SLC33A2: variants seen among roughly 807,000 people sequenced by gnomAD.
SLC33A2 encodes solute carrier family 33 member 2.
chr8:144,509,560 G>A, the SLC33A2 span: 1 of 1,520,254 alleles, frequency 6.6e-7, no homozygotes, highest in South Asian at 1.2e-5. Context: ...AGCACGGCGG[G>A]CCTGGGCCTG....
At chr8:144,509,396 C>T in the SLC33A2 span, 3 of 1,526,088 alleles carry the variant, frequency 2.0e-6, no homozygotes, top group Non-Finnish European at 2.6e-6. Flanking sequence ...CCTACGGGCT[C>T]CAGTCCGGCC....
the SLC33A2 span, chr8:144,510,909 T>C: frequency 6.9e-6 from 11 of 1,603,564 alleles, no homozygotes; most frequent in Middle Eastern, 1.6e-4. Context: ...TGCAGGTGAG[T>C]AGATGTAGCA....
chr8:144,510,044 C>A, the SLC33A2 span: 1 of 1,578,958 alleles, frequency 6.3e-7, no homozygotes, highest in Non-Finnish European at 8.5e-7. Flanking sequence ...CAGGCAACAG[C>A]AGTTGGGGCT....
chr8:144,509,373 G>T, the SLC33A2 span: 1 of 1,516,756 alleles, frequency 6.6e-7, no homozygotes, highest in East Asian at 2.5e-5. Context: ...CCTCTACCTG[G>T]TGCAGGGCCT....
At chr8:144,510,607 G>A in the SLC33A2 span, 2 of 1,582,394 alleles carry the variant, frequency 1.3e-6, no homozygotes, top group Non-Finnish European at 1.7e-6. Flanking sequence ...GGAAACTGCT[G>A]CCTCTGTTGA....
At chr8:144,510,922 G>C in the SLC33A2 span, 1 of 1,601,822 alleles carries the variant, frequency 6.2e-7, no homozygotes, top group East Asian at 2.2e-5. Context: ...ATGTAGCAGG[G>C]ACACAAGAGA....
chr8:144,509,557 C>A, the SLC33A2 span: 1 of 1,517,520 alleles, frequency 6.6e-7, no homozygotes, highest in Middle Eastern at 1.9e-4. Flanking sequence ...CGCAGCACGG[C>A]GGGCCTGGGC....
the SLC33A2 span, chr8:144,510,145 G>C: frequency 1.5e-6 from 2 of 1,313,388 alleles, no homozygotes; most frequent in Non-Finnish European, 2.1e-6. Flanking sequence ...ACTTGGCCCT[G>C]ACATCCGGGG....
the SLC33A2 span, chr8:144,509,424 C>T: frequency 6.5e-7 from 1 of 1,531,728 alleles, no homozygotes; most frequent in Non-Finnish European, 8.7e-7. Context: ...AGTGCTGCTG[C>T]GTGCCGGCGG....
At chr8:144,509,377 A>G in the SLC33A2 span, 3 of 1,518,516 alleles carry the variant, frequency 2.0e-6, no homozygotes. Flanking sequence ...TACCTGGTGC[A>G]GGGCCTGCCC....
chr8:144,510,874 T>C, the SLC33A2 span: 1 of 1,608,270 alleles, frequency 6.2e-7, no homozygotes. Flanking sequence ...GATGATGCGC[T>C]GCAGCCAGCT....
At chr8:144,510,758 A>G in the SLC33A2 span, 1 of 1,608,244 alleles carries the variant, frequency 6.2e-7, no homozygotes, top group Non-Finnish European at 8.5e-7. Context: ...GAGAGGGGCC[A>G]GGAGCCTGGG....
chr8:144,509,385 C>T, the SLC33A2 span: 2 of 1,524,398 alleles, frequency 1.3e-6, no homozygotes, highest in African/African-American at 1.4e-5. Flanking sequence ...GCAGGGCCTG[C>T]CCTACGGGCT....
the SLC33A2 span, chr8:144,511,122 T>G: frequency 3.7e-6 from 6 of 1,610,668 alleles, no homozygotes; most frequent in Non-Finnish European, 5.1e-6. Context: ...TCTCTGCCTT[T>G]CCCGTTCTGT....
the SLC33A2 span, chr8:144,509,807 G>C: frequency 1.9e-6 from 3 of 1,543,254 alleles, no homozygotes; most frequent in Non-Finnish European, 2.6e-6. Flanking sequence ...TGGCGCTGCT[G>C]CCCACCTTCT....
chr8:144,510,410 G>A, the SLC33A2 span: 1,534 of 1,612,804 alleles, frequency 9.5e-4, 7 homozygotes, highest in African/African-American at 0.011. Flanking sequence ...GGACCACGGC[G>A]TTTCTGCTCC....
At chr8:144,509,293 T>C in the SLC33A2 span, 1 of 1,425,226 alleles carries the variant, frequency 7.0e-7, no homozygotes, top group South Asian at 1.5e-5. Flanking sequence ...GGACCCCACC[T>C]GGAACCCGAC....
the SLC33A2 span, chr8:144,510,016 G>A: frequency 1.3e-6 from 2 of 1,593,032 alleles, no homozygotes; most frequent in South Asian, 2.2e-5. Context: ...TACAAGCTGG[G>A]TGAGTGAGGC....
chr8:144,510,506 T>C, the SLC33A2 span: 2 of 1,612,596 alleles, frequency 1.2e-6, no homozygotes, highest in Non-Finnish European at 1.7e-6. Flanking sequence ...GGCCAAGCAC[T>C]GGTGAGCCCT....
Sources: gnomAD v4.1 joint callset for allele counts on GRCh38, gnomAD v4.1.1 for gene constraint, MANE v1.5 for transcripts, NCBI Gene and HGNC (gene_info 2026-07-23, HGNC 2026-07-21) for gene names.